The following DGKB variants were observed in gnomAD, a reference collection of about 807,000 sequenced individuals.
DGKB encodes the protein 90 kDa diacylglycerol kinase.
Under a neutral mutation model 114.3 loss-of-function variants are expected in DGKB, and 67 were observed. The observed-to-expected ratio is 0.59, with a 90% confidence interval of 0.48 to 0.72. The LOEUF is 0.72. Among genes scored for constraint, DGKB ranks in the 30% least tolerant of loss-of-function variants. The pLI, the probability that DGKB is intolerant of heterozygous loss-of-function variation, is 0.00. For synonymous variants in DGKB, 398 were observed against 323.1 expected (o/e 1.23, Z -2.49); for missense variants, 907 against 975.2 (o/e 0.93, Z 0.93).
At chr7:14,729,614 C>T (rs58371481) in intron 5 of DGKB, among the ~76,000 whole-genome samples, 7,677 of 152,136 alleles carry the variant, frequency 0.05, 319 homozygotes, top group Admixed American at 0.1. Context: ...CTTACTTACT[C>T]CCCTCTCCAA....
chr7:14,434,945 C>A (rs1020905177), intron 21 of DGKB, among the ~76,000 whole-genome samples: 1 of 152,100 alleles, frequency 6.6e-6, no homozygotes, highest in Non-Finnish European at 1.5e-5. Context: ...CCAGTACCAT[C>A]TCTTGACCTT....
chr7:14,170,727 A>T (rs1477176305), intron 25 of DGKB, among the ~76,000 whole-genome samples: 1 of 152,232 alleles, frequency 6.6e-6, no homozygotes, highest in East Asian at 1.9e-4. Flanking sequence ...AAATGTAATA[A>T]GCTCCAGAAT....
At chr7:14,761,633 A>G (rs1835709563) in intron 2 of DGKB, among the ~76,000 whole-genome samples, 1 of 152,190 alleles carries the variant, frequency 6.6e-6, no homozygotes, top group South Asian at 2.1e-4. Flanking sequence ...AACAGATAGT[A>G]AGACGTGGCC....
intron 1 of DGKB, among the ~76,000 whole-genome samples, chr7:14,920,497 G>A (rs1173043317): frequency 5.9e-5 from 9 of 152,076 alleles, no homozygotes; most frequent in African/African-American, 2.2e-4. Context: ...TCTCCAATAC[G>A]CAATGCTGGT....
chr7:14,228,283 C>G (rs1791144807), intron 23 of DGKB, among the ~76,000 whole-genome samples: 1 of 152,004 alleles, frequency 6.6e-6, no homozygotes, highest in Admixed American at 6.6e-5. Flanking sequence ...AGGCTGACAA[C>G]AGTGAAGGAC....
At chr7:14,868,479 C>T (rs775333084) in intron 1 of DGKB, among the ~76,000 whole-genome samples, 1 of 151,910 alleles carries the variant, frequency 6.6e-6, no homozygotes, top group African/African-American at 2.4e-5. Flanking sequence ...GGATTACAGG[C>T]GTGTGCCACA....
At chr7:14,787,107 C>CTT (rs1260811772) in intron 2 of DGKB, among the ~76,000 whole-genome samples, 1 of 152,142 alleles carries the variant, frequency 6.6e-6, no homozygotes, top group Non-Finnish European at 1.5e-5. Flanking sequence ...CTCAATAGAG[C>CTT]ACCTCTTCAC....
intron 4 of DGKB, among the ~76,000 whole-genome samples, chr7:14,746,747 C>T (rs796443963): frequency 4.1e-4 from 62 of 152,304 alleles, no homozygotes; most frequent in African/African-American, 1.5e-3. Context: ...GATCCATCTG[C>T]CTCGGCCTCC....
At chr7:14,491,206 T>TAATTTAATC (rs1784550457) in intron 20 of DGKB, among the ~76,000 whole-genome samples, 1 of 152,040 alleles carries the variant, frequency 6.6e-6, no homozygotes, top group Non-Finnish European at 1.5e-5. Context: ...AGATGGGAGA[T>TAATTTAATC]AATTTAATCA....
At chr7:14,398,166 A>G (rs1822533736) in intron 21 of DGKB, among the ~76,000 whole-genome samples, 1 of 152,092 alleles carries the variant, frequency 6.6e-6, no homozygotes, top group South Asian at 2.1e-4. Flanking sequence ...ATTTCGATCA[A>G]TGGTAATGAC....
chr7:14,397,206 C>T (rs1206143101), intron 21 of DGKB, among the ~76,000 whole-genome samples: 4 of 151,994 alleles, frequency 2.6e-5, no homozygotes, highest in East Asian at 1.9e-4. Context: ...TTGTGTTGTA[C>T]TATATGAAGA....
chr7:14,442,355 G>C (rs921442882), intron 21 of DGKB, among the ~76,000 whole-genome samples: 11 of 151,500 alleles, frequency 7.3e-5, no homozygotes, highest in Admixed American at 2.0e-4. Flanking sequence ...TTTAATTCTT[G>C]ATATTCTTAA....
intron 25 of DGKB, among the ~76,000 whole-genome samples, chr7:14,168,066 C>G (rs1484784172): frequency 6.6e-6 from 1 of 152,028 alleles, no homozygotes. Context: ...ATGGCAGATA[C>G]TCTTGAAATG....
At chr7:14,175,812 T>C (rs1183092674) in intron 25 of DGKB, among the ~76,000 whole-genome samples, 2 of 151,794 alleles carry the variant, frequency 1.3e-5, no homozygotes, top group East Asian at 3.9e-4. Flanking sequence ...CTTAGTGTCT[T>C]TTTTTTGGGG....
chr7:14,502,436 T>C (rs1376072801), intron 20 of DGKB, among the ~76,000 whole-genome samples: 2 of 152,048 alleles, frequency 1.3e-5, no homozygotes, highest in East Asian at 3.9e-4. Flanking sequence ...CCCTACAAAA[T>C]TGTGAGTAAA....
chr7:14,445,737 A>G (rs1006543239), intron 21 of DGKB, among the ~76,000 whole-genome samples: 2 of 152,046 alleles, frequency 1.3e-5, no homozygotes, highest in Non-Finnish European at 2.9e-5. Flanking sequence ...AAATCTGTAT[A>G]TCAAAAAATA....
In DGKB at chr7:14,674,244, G is replaced by A. The variant is rs73272113; in HGVS notation, c.1036-1217C>T. Among the ~76,000 whole-genome samples the A allele has an allele frequency of 6.6e-3, 1,002 of 152,168 alleles. 8 individuals carry two copies. The highest frequency in any genetic ancestry group is 0.023 in the African/African-American group (945 of 41,530). ...CCATAATTAGCAGCTCTGCTTCTCA[G>A]GGGCATATAAACTTCTCTATAAAAA... On this transcript the variant is annotated intron_variant, in intron 12 of 25. Transcript: ENST00000402815.
At chr7:14,166,719 C>T (rs1386862246) in intron 25 of DGKB, among the ~76,000 whole-genome samples, 2 of 151,076 alleles carry the variant, frequency 1.3e-5, no homozygotes, top group African/African-American at 4.9e-5. Flanking sequence ...ACATGAAGTG[C>T]CATCAAACCA....
intron 21 of DGKB, among the ~76,000 whole-genome samples, chr7:14,392,967 G>A (rs1313908384): frequency 7.8e-6 from 1 of 127,736 alleles, no homozygotes; most frequent in East Asian, 2.2e-4. Flanking sequence ...ATAACCTGAG[G>A]GCCAAAACAG....
Sources: gnomAD v4.1 joint callset for allele counts (sites outside exome capture counted in the v4.1 genomes callset) on GRCh38, gnomAD v4.1.1 for gene constraint, MANE v1.5 for transcripts, NCBI Gene and HGNC (gene_info 2026-07-23, HGNC 2026-07-21) for gene names.